Variants in SPATA32 observed in about 807,000 individuals in gnomAD.
The protein encoded by SPATA32 is spermatogenesis-associated protein 32.
In SPATA32, 28 loss-of-function variants were observed where a neutral mutation model predicts 35.4. The observed-to-expected ratio is 0.79, with a 90% CI of 0.59 to 1.09. The LOEUF is 1.09. Ranked by LOEUF, SPATA32 falls within the 50% of genes least tolerant of loss-of-function variation. SPATA32 has a pLI of 0.00. For synonymous variants in SPATA32, 168 were observed against 196.3 expected, an observed-to-expected ratio of 0.86 and a Z score of 1.20; for missense variants, 409 against 475.9, an observed-to-expected ratio of 0.86 and a Z score of 1.31.
Position 45,254,571 on chromosome 17 carries a change from G to C in SPATA32, c.1068-58C>G. 7 of 1,557,526 alleles carry C rather than the reference G, an allele frequency of 4.5e-6. No individual in the cohort carries two copies. The South Asian group carries it at 7.8e-5, about 17-fold the overall frequency. The stretch of plus-strand genomic sequence containing the variant: ...CCCAGAGGGTGGTTGAAGGAGAGGG[G>C]TGAGCCCAGAGGCCCCTCTGAAGAG... On this transcript the variant is annotated intron_variant, in intron 4 of 4. Transcript: ENST00000331780.
chr17:45,261,784 T>G (rs978071979), intron 1 of SPATA32: 14 of 422,850 alleles, frequency 3.3e-5, no homozygotes, highest in Middle Eastern at 6.1e-4. Context: ...TGAGAGCACA[T>G]GGGTGTGCAC....
rs1598226786 is a variant in SPATA32 at position 45,256,527 on chromosome 17, A to C, written c.69-112T>G. 2 of 917,162 alleles carry C rather than the reference A, an allele frequency of 2.2e-6. No individual in the cohort carries two copies. The highest frequency in any genetic ancestry group is 3.5e-6 in the Non-Finnish European group (2 of 564,962). The allele number at this position is 917,162 out of a possible 1,614,324, so 56.8% of individuals were successfully genotyped here. The stretch of plus-strand genomic sequence containing the variant: ...CTTGTAACAGAAGCTGGCACGATGC[A>C]CCTCCCGCCGACCACCCCGCCACCA... On this transcript the variant is annotated intron_variant, in intron 2 of 4. Coordinates refer to ENST00000331780, the MANE Select transcript of SPATA32 (RefSeq NM_152343.3). The surrounding 1 kb of genome is among the most constrained non-coding windows in gnomAD (Gnocchi z 4.7).
In SPATA32 at chr17:45,255,409, A is replaced by G. The variant is rs764904346; in HGVS notation, c.773T>C (p.Leu258Pro). 1.9e-5 allele frequency: 30 copies of G among 1,614,170 alleles called. No individual in the cohort carries two copies. Among genetic ancestry groups the G allele is most frequent in the Middle Eastern group, 3.3e-4 (2 of 6,062 alleles). ...LAMASSSRMD[L>P]PSLEHMMKAP... Reference sequence around the variant, plus strand: ...TTTCATCATGTGTTCCAAACTGGGCAGGTCCATCCTGCTGGAGGAGGCCAT... The same window carrying G: ...TTTCATCATGTGTTCCAAACTGGGCGGGTCCATCCTGCTGGAGGAGGCCAT... The change falls in exon 4 of 5, where the codon CTG (leucine) becomes CCG (proline). Residue 258 changes from leucine to proline, a missense_variant. Leu to Pro is a moderately conservative substitution (Grantham distance 98). Coordinates refer to ENST00000331780, the MANE Select transcript of SPATA32 (RefSeq NM_152343.3). The surrounding 1 kb of genome is among the most constrained non-coding windows in gnomAD (Gnocchi z 5.4).
intron 1 of SPATA32, chr17:45,261,094 GGT>G (rs1491358237): frequency 1.0e-3 from 65 of 62,374 alleles, no homozygotes; most frequent in African/African-American, 5.0e-3. Flanking sequence ...CCCGACCTCT[GGT>G]TTTTTTTTTT....
chr17:45,256,171 G>A lies in SPATA32; in HGVS notation c.109-98C>T. 1 of 1,392,380 alleles carries A rather than the reference G, an allele frequency of 7.2e-7. No individual in the cohort carries two copies. The highest frequency in any genetic ancestry group is 9.9e-7 in the Non-Finnish European group (1 of 1,006,890). The allele number at this position is 1,392,380 out of a possible 1,614,324, so 86.3% of individuals were successfully genotyped here. A position where few individuals can be genotyped will look rare whatever the true frequency, so the allele number is the denominator to read the frequency against. ...AGTCCCTGCCCCACCCCTGCCCTGG[G>A]TCCTGCTGTCTTCCCCCCGCCCCCT... On this transcript the variant is annotated intron_variant, in intron 3 of 4. Transcript: ENST00000331780. This position sits in a 1 kb window ranked among gnomAD's most constrained non-coding sequence, Gnocchi z 4.7.
At chr17:45,254,810 G>A (rs1052317063) in intron 4 of SPATA32, among the ~76,000 whole-genome samples, 3 of 152,186 alleles carry the variant, frequency 2.0e-5, no homozygotes, top group East Asian at 1.9e-4. Context: ...GGTGAGGCCC[G>A]ACCCCCAGGG....
chr17:45,254,984 C>T (rs1193035661), intron 4 of SPATA32, 131 bp downstream of exon 4: 5 of 847,496 alleles, frequency 5.9e-6, no homozygotes, highest in East Asian at 2.7e-5. Flanking sequence ...GAGGTGGAGG[C>T]GTCACAGCCC....
At chr17:45,261,932 G>A in intron 1 of SPATA32, 72 bp downstream of exon 1, 2 of 1,279,250 alleles carry the variant, frequency 1.6e-6, no homozygotes, top group Non-Finnish European at 2.0e-6. Flanking sequence ...CCCCCTTCGC[G>A]CCCCTCCCCC....
chr17:45,255,392 T>G lies in SPATA32; in HGVS notation c.790A>C (p.Met264Leu). The stretch of plus-strand genomic sequence containing the variant: ...GCCTCCTGGGGTGGAGCTTTCATCA[T>G]GTGTTCCAAACTGGGCAGGTCCATC... ...SRMDLPSLEH[M>L]MKAPPQEALE... is the part of the protein sequence containing the mutation. The change falls in exon 4 of 5, where the codon ATG (methionine) becomes CTG (leucine). Residue 264 changes from methionine to leucine, a missense_variant. Coordinates refer to ENST00000331780, the MANE Select transcript of SPATA32 (RefSeq NM_152343.3). This position sits in a 1 kb window ranked among gnomAD's most constrained non-coding sequence, Gnocchi z 5.4. The G allele has an allele frequency of 6.2e-7, 1 of 1,614,164 alleles. No individual in the cohort carries two copies. The highest frequency in any genetic ancestry group is 8.5e-7 in the Non-Finnish European group (1 of 1,180,030).
Position 45,262,037 on chromosome 17 carries a change from G to T in SPATA32, c.-21C>A. The T allele has an allele frequency of 7.6e-7, 1 of 1,311,074 alleles. No individual in the cohort carries two copies. The allele number at this position is 1,311,074 out of a possible 1,614,324, so 81.2% of individuals were successfully genotyped here. A position where few individuals can be genotyped will look rare whatever the true frequency, so the allele number is the denominator to read the frequency against. On this transcript the variant is annotated 5_prime_UTR_variant, in exon 1 of 5. Transcript: ENST00000331780. Reference sequence around the variant, plus strand: ...CCCATGCAGACCGAGGCTCTGTCCTGGAGGCGGGGAGCGGGCTGGTGGATG... The same window carrying T: ...CCCATGCAGACCGAGGCTCTGTCCTTGAGGCGGGGAGCGGGCTGGTGGATG...
chr17:45,255,111 T>C lies in SPATA32; in HGVS notation c.1067+4A>G, dbSNP rs1400098829. ...ATGGGAGCTGCGGGGCTGGCCTCAC[T>C]CACTCTTCCTTGCTTCCCTGCAGCA... is the stretch of plus-strand genomic sequence containing the variant. On this transcript the variant is annotated splice_donor_region_variant and intron_variant, in intron 4 of 4. Transcript: ENST00000331780. The surrounding 1 kb of genome is among the most constrained non-coding windows in gnomAD (Gnocchi z 5.4). 1 of 1,613,838 alleles carries C rather than the reference T, an allele frequency of 6.2e-7. No homozygotes were observed. Among genetic ancestry groups the C allele is most frequent in the African/African-American group, 1.3e-5 (1 of 75,018 alleles).
chr17:45,255,214 T>A lies in SPATA32; in HGVS notation c.968A>T (p.Asp323Val), dbSNP rs924696548. Residue 323 changes from aspartate (D) to valine (V), a missense_variant, in exon 4 of 5, where the codon GAC becomes GTC. By Grantham distance (152) the Asp-to-Val change is radical. Transcript: ENST00000331780. This position sits in a 1 kb window ranked among gnomAD's most constrained non-coding sequence, Gnocchi z 5.4. The stretch of plus-strand genomic sequence containing the variant: ...CCTCTTGATCCCCGGCTTGCTGAAG[T>A]CAAAGTAAGATTGAGCGAAGTTCTT... ...EDKNFAQSYF[D>V]FSKPGIKRAT... 1 of 1,614,180 alleles carries A rather than the reference T, an allele frequency of 6.2e-7. No homozygotes were observed. The highest frequency in any genetic ancestry group is 1.1e-5 in the South Asian group (1 of 91,084).
Position 45,256,352 on chromosome 17 carries a change from G to T in SPATA32, c.108+24C>A. The T allele has an allele frequency of 6.2e-7, 1 of 1,611,248 alleles. No homozygotes were observed. The highest frequency in any genetic ancestry group is 8.5e-7 in the Non-Finnish European group (1 of 1,177,386). On this transcript the variant is annotated intron_variant, in intron 3 of 4. Transcript: ENST00000331780. The surrounding 1 kb of genome is among the most constrained non-coding windows in gnomAD (Gnocchi z 4.7). ...CCTGCCGCTTGCCTACCACCTCCCC[G>T]TAAGAGGACACTCCCATTTTTACCT...
At chr17:45,260,893 T>C (rs1389271152) in intron 1 of SPATA32, 1 of 152,264 alleles carries the variant, frequency 6.6e-6, no homozygotes, top group East Asian at 1.9e-4. Flanking sequence ...AAGCCGAAGC[T>C]ACCCCCAGAG....
Position 45,257,192 on chromosome 17 carries a change from G to A in SPATA32, c.29C>T (p.Pro10Leu). Residue 10 changes from proline (P) to leucine (L), a missense_variant, in exon 2 of 5, where the codon CCA becomes CTA. By Grantham distance (98) the Pro-to-Leu change is moderately conservative (BLOSUM62 -3). Coordinates refer to ENST00000331780, the MANE Select transcript of SPATA32 (RefSeq NM_152343.3). MGVTGAHGF[P>L]CCGKGSVEVA... ...CTCCACTGACCCTTTGCCGCAGCAT[G>A]GAAATCCATGGGCACCTGACAGGGG... The A allele has an allele frequency of 1.2e-6, 2 of 1,611,994 alleles. No homozygotes were observed.
Position 45,256,421 on chromosome 17 carries a change from AC to A in SPATA32, c.69-7del, listed in dbSNP as rs34715848. 9.3e-6 allele frequency: 4 copies of A among 428,778 alleles called. No individual in the cohort carries two copies. Among genetic ancestry groups the A allele is most frequent in the Non-Finnish European group, 1.4e-5 (4 of 277,832 alleles). The allele number at this position is 428,778 out of a possible 1,614,324, so 26.6% of individuals were successfully genotyped here. On this transcript the variant is annotated splice_region_variant and splice_polypyrimidine_tract_variant and intron_variant, in intron 2 of 4. Transcript: ENST00000331780. The surrounding 1 kb of genome is among the most constrained non-coding windows in gnomAD (Gnocchi z 4.7). ...GGTGTTGACTTAAGTCATCTCTAAG[AC>A]AGAAGAAGACAGAGTGGGTGATGGG...
chr17:45,261,333 C>T (rs1373198304), intron 1 of SPATA32, among the ~76,000 whole-genome samples: 2 of 152,164 alleles, frequency 1.3e-5, no homozygotes, highest in Non-Finnish European at 2.9e-5. Flanking sequence ...GATCCTCCCA[C>T]CTCTGCCTCC....
chr17:45,255,665 G>C lies in SPATA32; in HGVS notation c.517C>G (p.Arg173Gly). The C allele has an allele frequency of 6.2e-7, 1 of 1,614,032 alleles. No homozygotes were observed. The highest frequency in any genetic ancestry group is 2.2e-5 in the East Asian group (1 of 44,888). ...TTGTTGAGCTGCATGTTGATGGCCCGCTGCAGGCTGTGCTCTGAGGCCTGG... is the reference window on the plus strand; with the variant it reads ...TTGTTGAGCTGCATGTTGATGGCCCCCTGCAGGCTGTGCTCTGAGGCCTGG... Reference protein sequence around the residue: ...LIQASEHSLQRAINMQLNNGS... With the variant: ...LIQASEHSLQGAINMQLNNGS... The change falls in exon 4 of 5, where the codon CGG becomes GGG. Residue 173 changes from arginine to glycine, a missense_variant. Transcript: ENST00000331780. This position sits in a 1 kb window ranked among gnomAD's most constrained non-coding sequence, Gnocchi z 5.4.
chr17:45,261,856 C>T, intron 1 of SPATA32, 148 bp downstream of exon 1: 3 of 936,172 alleles, frequency 3.2e-6, no homozygotes, highest in Non-Finnish European at 4.2e-6. Flanking sequence ...GGCGGCGGGT[C>T]GACCTGCCTT....
Sources: gnomAD v4.1 joint callset for allele counts (sites outside exome capture counted in the v4.1 genomes callset) on GRCh38, gnomAD v4.1.1 for gene constraint, Gnocchi (gnomAD v3.1) non-coding constraint, MANE v1.5 for transcripts, NCBI Gene and HGNC (gene_info 2026-07-23, HGNC 2026-07-21) for gene names.